The following PTPRD variants were observed in gnomAD, a reference collection of about 807,000 sequenced individuals.
The protein encoded by PTPRD is receptor-type tyrosine-protein phosphatase delta.
In PTPRD, 34 loss-of-function variants were observed where a neutral mutation model predicts 214.5. The observed-to-expected ratio is 0.16, with a 90% CI of 0.12 to 0.21. The LOEUF (loss-of-function observed/expected upper bound fraction) is 0.21. Ranked by LOEUF, PTPRD falls within the 10% of genes least tolerant of loss-of-function variation. PTPRD has a pLI of 1.00. For missense variants in PTPRD, 2,545 were observed against 2,398.7 expected, an observed-to-expected ratio of 1.06 and a Z score of -1.27; for synonymous variants, 1,128 against 845.7, an observed-to-expected ratio of 1.33 and a Z score of -5.79.
chr9:10,339,422 A>G (rs572861818), intron 3 of PTPRD, among the ~76,000 whole-genome samples: 1 of 151,834 alleles, frequency 6.6e-6, no homozygotes, highest in South Asian at 2.1e-4. Flanking sequence ...TCTGAAGTGC[A>G]AATTTAAGGT....
chr9:8,749,568 C>A (rs960289449), intron 11 of PTPRD, among the ~76,000 whole-genome samples: 3 of 152,180 alleles, frequency 2.0e-5, no homozygotes, highest in African/African-American at 7.2e-5. Flanking sequence ...CCACCAATCT[C>A]TATGTGACAG....
chr9:9,236,139 G>A (rs2099966539), intron 9 of PTPRD, among the ~76,000 whole-genome samples: 1 of 152,248 alleles, frequency 6.6e-6, no homozygotes, highest in South Asian at 2.1e-4. Flanking sequence ...TGTAACCCCA[G>A]CTACCCAGGA....
intron 3 of PTPRD, among the ~76,000 whole-genome samples, chr9:10,084,757 G>T (rs1045698348): frequency 6.6e-6 from 1 of 151,884 alleles, no homozygotes; most frequent in Admixed American, 6.6e-5. Context: ...CATCAGTCAT[G>T]GTTGTGTTTA....
At chr9:9,137,018 A>G (rs954470405) in intron 10 of PTPRD, among the ~76,000 whole-genome samples, 3 of 152,140 alleles carry the variant, frequency 2.0e-5, no homozygotes, top group Admixed American at 6.5e-5. Context: ...TTGGTCTTTA[A>G]CTATAAAGCA....
At chr9:8,638,504 T>C (rs1471129954) in intron 12 of PTPRD, among the ~76,000 whole-genome samples, 5 of 152,218 alleles carry the variant, frequency 3.3e-5, no homozygotes, top group Non-Finnish European at 7.3e-5. Flanking sequence ...TTACAAAAAT[T>C]GCAAAACTAT....
chr9:9,857,776 A>G (rs1433132051), intron 5 of PTPRD, among the ~76,000 whole-genome samples: 1 of 152,216 alleles, frequency 6.6e-6, no homozygotes, highest in African/African-American at 2.4e-5. Flanking sequence ...CCACACAGAT[A>G]TTTATTAAGA....
At chr9:9,195,172 T>G (rs2132025658) in intron 9 of PTPRD, among the ~76,000 whole-genome samples, 1 of 151,118 alleles carries the variant, frequency 6.6e-6, no homozygotes, top group African/African-American at 2.4e-5. Context: ...ATTGTTAAGC[T>G]GACATGGTGT....
chr9:9,474,112 T>A (rs997328200), intron 8 of PTPRD, among the ~76,000 whole-genome samples: 1 of 152,214 alleles, frequency 6.6e-6, no homozygotes, highest in South Asian at 2.1e-4. Flanking sequence ...TAAGTCTTTA[T>A]GCATTTTCAG....
intron 4 of PTPRD, among the ~76,000 whole-genome samples, chr9:10,008,698 G>A (rs1183077792): frequency 1.3e-5 from 2 of 151,908 alleles, no homozygotes; most frequent in Non-Finnish European, 2.9e-5. Flanking sequence ...CCAGTCTGCA[G>A]GATGGACAGC....
At chr9:8,947,737 A>T (rs1216005450) in intron 11 of PTPRD, among the ~76,000 whole-genome samples, 1 of 152,096 alleles carries the variant, frequency 6.6e-6, no homozygotes, top group Admixed American at 6.6e-5. Context: ...TGCTTTATGT[A>T]CATGTTCTGT....
At chr9:9,221,904 A>T (rs767496975) in intron 9 of PTPRD, among the ~76,000 whole-genome samples, 4 of 152,074 alleles carry the variant, frequency 2.6e-5, no homozygotes, top group Admixed American at 2.6e-4. Flanking sequence ...TTAGAAATAT[A>T]GACTCTGAAA....
intron 33 of PTPRD, chr9:8,451,937 T>A (rs1324912883): frequency 8.3e-6 from 4 of 484,602 alleles, no homozygotes; most frequent in South Asian, 6.1e-5. Context: ...TTTTTCCCTG[T>A]GGCTGGGGTG....
intron 7 of PTPRD, among the ~76,000 whole-genome samples, chr9:9,654,914 A>G (rs1432214655): frequency 2.6e-5 from 4 of 152,160 alleles, no homozygotes; most frequent in Non-Finnish European, 5.9e-5. Context: ...GATTTTATAC[A>G]ATTAGCTTTT....
intron 12 of PTPRD, among the ~76,000 whole-genome samples, chr9:8,702,751 G>T (rs2098117729): frequency 6.6e-6 from 1 of 151,988 alleles, no homozygotes; most frequent in Non-Finnish European, 1.5e-5. Flanking sequence ...GGGATTACAG[G>T]CGCCCGCCAC....
In PTPRD at chr9:8,833,877, G is replaced by C. The variant is rs2097354380; in HGVS notation, c.-103-99931C>G. Among the ~76,000 whole-genome samples the C allele has an allele frequency of 2.0e-5, 3 of 150,510 alleles. No individual in the cohort carries two copies. The Admixed American group carries it at 2.0e-4, about 10-fold the overall frequency. ...TAAAGAAAAATGACAGCTATATACT[G>C]TACCATTTACAAAAATTAACCAACT... On this transcript the variant is annotated intron_variant, in intron 11 of 45. Coordinates refer to ENST00000381196, the MANE Select transcript of PTPRD (RefSeq NM_002839.4).
chr9:9,349,798 C>G (rs1443894901), intron 9 of PTPRD, among the ~76,000 whole-genome samples: 3 of 151,732 alleles, frequency 2.0e-5, no homozygotes, highest in African/African-American at 7.3e-5. Flanking sequence ...TATGTCTCAT[C>G]ACCTATGGGG....
At chr9:9,721,814 TA>T (rs2097954387) in intron 7 of PTPRD, among the ~76,000 whole-genome samples, 1 of 152,106 alleles carries the variant, frequency 6.6e-6, no homozygotes, top group Non-Finnish European at 1.5e-5. Context: ...TAATAAAAAT[TA>T]ACAGCACTGA....
chr9:9,471,404 A>C (rs2094577554), intron 8 of PTPRD, among the ~76,000 whole-genome samples: 1 of 152,188 alleles, frequency 6.6e-6, no homozygotes, highest in African/African-American at 2.4e-5. Flanking sequence ...TTCATTGGTG[A>C]CTTAATAAGA....
rs201130263 is a variant in PTPRD at position 8,458,886 on chromosome 9, G to GA, written c.3875+1524dup. 9.1e-3 allele frequency among the ~76,000 whole-genome samples: 1,381 copies of GA among 151,604 alleles called. 8 individuals carry two copies. The highest frequency in any genetic ancestry group is 0.031 in the Middle Eastern group (9 of 294). On this transcript the variant is annotated intron_variant, in intron 33 of 45. Transcript: ENST00000381196. ...ATAATTGAATGATGGCAGTGTTCATGAAAAAAAATAATGATGGATATATCT... is the reference window on the plus strand; with the variant it reads ...ATAATTGAATGATGGCAGTGTTCATGAAAAAAAAATAATGATGGATATATCT...
Sources: allele counts gnomAD v4.1 joint callset (sites outside exome capture counted in the v4.1 genomes callset), GRCh38; gene constraint gnomAD v4.1.1; transcripts MANE v1.5; gene names NCBI Gene and HGNC (gene_info 2026-07-23, HGNC 2026-07-21).